The following PPP3CB variants were observed in gnomAD, a reference collection of about 807,000 sequenced individuals.
The protein encoded by PPP3CB is protein phosphatase 3 catalytic subunit beta, also known as serine/threonine-protein phosphatase 2B catalytic subunit beta isoform.
In PPP3CB, 8 loss-of-function variants were observed where a neutral mutation model predicts 66.4. The ratio of observed to expected loss-of-function variants is 0.12; its 90% confidence interval spans 0.07 to 0.22. The LOEUF (loss-of-function observed/expected upper bound fraction) is 0.22, where lower values mean the gene tolerates loss of function less well. PPP3CB is among the 10% of genes least tolerant of loss of function. The pLI is 1.00. For missense variants in PPP3CB, 319 were observed against 642.5 expected (o/e 0.50, Z 5.44); for synonymous variants, 208 against 221.2 (o/e 0.94, Z 0.53).
chr10:73,469,759 G>A (rs921681867), intron 8 of PPP3CB, among the ~76,000 whole-genome samples: 5 of 152,068 alleles, frequency 3.3e-5, no homozygotes, highest in African/African-American at 1.2e-4. Flanking sequence ...CTTACACCAT[G>A]ACCCTTATTT....
At chr10:73,471,248 C>CA in intron 5 of PPP3CB, 39 bp from the exon 6 acceptor site, 1 of 1,549,804 alleles carries the variant, frequency 6.5e-7, no homozygotes, top group South Asian at 1.2e-5. Flanking sequence ...AGTAACTCAT[C>CA]AAAAAGTAAG....
chr10:73,448,330 G>C (rs553585314), intron 10 of PPP3CB, among the ~76,000 whole-genome samples: 5 of 152,100 alleles, frequency 3.3e-5, no homozygotes, highest in African/African-American at 9.6e-5. Flanking sequence ...TAAAGTAAAT[G>C]GTCACAGTAA....
chr10:73,488,942 C>T (rs543980613), intron 1 of PPP3CB, among the ~76,000 whole-genome samples: 4 of 152,152 alleles, frequency 2.6e-5, no homozygotes, highest in South Asian at 4.1e-4. Flanking sequence ...TTTGACTGAA[C>T]AAAGTAGTAA....
At chr10:73,490,821 ATTTAT>A (rs1262863431) in intron 1 of PPP3CB, among the ~76,000 whole-genome samples, 1 of 151,242 alleles carries the variant, frequency 6.6e-6, no homozygotes, top group Non-Finnish European at 1.5e-5. Context: ...GGTACTGAAG[ATTTAT>A]TTTATTTATT....
chr10:73,443,116 T>C (rs114799560), intron 12 of PPP3CB, among the ~76,000 whole-genome samples: 1,968 of 151,874 alleles, frequency 0.013, 43 homozygotes, highest in African/African-American at 0.044. Context: ...GGAGGACTGC[T>C]TGAGCCCAGG....
intron 8 of PPP3CB, among the ~76,000 whole-genome samples, chr10:73,468,649 A>G (rs2056656503): frequency 6.6e-6 from 1 of 152,212 alleles, no homozygotes; most frequent in Non-Finnish European, 1.5e-5. Context: ...AATGAAAAGC[A>G]CTGAAATGCA....
intron 9 of PPP3CB, among the ~76,000 whole-genome samples, chr10:73,458,873 C>T (rs1438002974): frequency 6.6e-6 from 1 of 150,828 alleles, no homozygotes; most frequent in Non-Finnish European, 1.5e-5. Context: ...AGTTTGAGAC[C>T]AGCCTGACCA....
At chr10:73,465,313 CA>C (rs2132895716) in intron 9 of PPP3CB, among the ~76,000 whole-genome samples, 2 of 152,232 alleles carry the variant, frequency 1.3e-5, no homozygotes, top group East Asian at 3.9e-4. Context: ...AGTGTATTCT[CA>C]AACTCCTGGG....
rs1057512165 is a variant in PPP3CB, at chr10:73,437,353, C to A, written c.*889G>T. On this transcript the variant is annotated 3_prime_UTR_variant, in exon 14 of 14. Transcript: ENST00000360663. The stretch of plus-strand genomic sequence containing the variant: ...TCTCATAACATCTAGGTAACCTATA[C>A]ATGTCGTACCTGTACATCATAGGTC... The A allele has an allele frequency of 4.6e-5, 7 of 152,618 alleles. No individual in the cohort carries two copies. The highest frequency in any genetic ancestry group is 1.7e-4 in the African/African-American group (7 of 41,444). 9.5% of individuals were successfully genotyped at this position (152,618 alleles called of 1,614,324 possible). A position where few individuals can be genotyped will look rare whatever the true frequency, so the allele number is the denominator to read the frequency against.
At chr10:73,495,156 A>AT (rs574132598) in intron 1 of PPP3CB, among the ~76,000 whole-genome samples, 14 of 150,984 alleles carry the variant, frequency 9.3e-5, no homozygotes, top group Non-Finnish European at 1.2e-4. Flanking sequence ...ATCCACAAGA[A>AT]TTTTTTTTTT....
Position 73,478,490 on chromosome 10 carries a change from G to A in PPP3CB, c.411+9C>T, listed in dbSNP as rs746734063. 3 of 1,603,222 alleles carry A rather than the reference G, an allele frequency of 1.9e-6. No individual in the cohort carries two copies. The South Asian group carries it at 3.3e-5, about 18-fold the overall frequency. On this transcript the variant is annotated intron_variant, in intron 3 of 13. Coordinates refer to ENST00000360663, the MANE Select transcript of PPP3CB (RefSeq NM_021132.4). ...AACAGCAAATCAAATGACAGTTTATGATTATTACCTCTATACTAAAATAAC... is the reference window on the plus strand; with the variant it reads ...AACAGCAAATCAAATGACAGTTTATAATTATTACCTCTATACTAAAATAAC...
At chr10:73,453,090 T>C (rs1456721215) in intron 10 of PPP3CB, among the ~76,000 whole-genome samples, 1 of 152,234 alleles carries the variant, frequency 6.6e-6, no homozygotes, top group Non-Finnish European at 1.5e-5. Flanking sequence ...TTTACTACTA[T>C]ATAGCCATGA....
At chr10:73,443,324 G>GAAAGAA (rs1400600145) in intron 12 of PPP3CB, among the ~76,000 whole-genome samples, 5 of 136,954 alleles carry the variant, frequency 3.7e-5, no homozygotes, top group Non-Finnish European at 3.1e-5. Flanking sequence ...AAGAAAGAAA[G>GAAAGAA]AAAGAAAAAG....
intron 3 of PPP3CB, among the ~76,000 whole-genome samples, chr10:73,477,496 G>A (rs1370880939): frequency 6.6e-6 from 1 of 152,114 alleles, no homozygotes; most frequent in Non-Finnish European, 1.5e-5. Context: ...GATATTTGGT[G>A]TAGGCATGTA....
intron 1 of PPP3CB, among the ~76,000 whole-genome samples, chr10:73,490,594 C>G (rs776333673): frequency 6.6e-6 from 1 of 152,172 alleles, no homozygotes; most frequent in South Asian, 2.1e-4. Flanking sequence ...AAATCAAGGT[C>G]CTTTTACCAA....
intron 1 of PPP3CB, 55 bp downstream of exon 1, chr10:73,495,750 C>T (rs2057199396): frequency 6.5e-7 from 1 of 1,542,462 alleles, no homozygotes; most frequent in Non-Finnish European, 8.8e-7. Context: ...CCCGCCCGCC[C>T]TCACACACAG....
At chr10:73,457,872 A>G (rs2056455921) in intron 9 of PPP3CB, among the ~76,000 whole-genome samples, 1 of 152,236 alleles carries the variant, frequency 6.6e-6, no homozygotes, top group South Asian at 2.1e-4. Context: ...CCATGAAACA[A>G]CTGAGACAGA....
intron 1 of PPP3CB, among the ~76,000 whole-genome samples, chr10:73,482,754 A>G (rs1052353224): frequency 1.3e-5 from 2 of 151,688 alleles, no homozygotes; most frequent in African/African-American, 4.8e-5. Context: ...AGTAGCTCGG[A>G]TTACAGGCAC....
At chr10:73,456,817 A>T (rs2056435008) in intron 9 of PPP3CB, among the ~76,000 whole-genome samples, 1 of 152,208 alleles carries the variant, frequency 6.6e-6, no homozygotes, top group Non-Finnish European at 1.5e-5. Context: ...CAACAAAGGA[A>T]AAAACAGATA....
Sources: allele counts gnomAD v4.1 joint callset (sites outside exome capture counted in the v4.1 genomes callset), GRCh38; gene constraint gnomAD v4.1.1; transcripts MANE v1.5; gene names NCBI Gene and HGNC (gene_info 2026-07-23, HGNC 2026-07-21).